The following SRD5A2 variants were observed in gnomAD, a reference collection of about 807,000 sequenced individuals.
SRD5A2 encodes the protein steroid 5 alpha-reductase 2.
Under a neutral mutation model 27.4 loss-of-function variants are expected in SRD5A2, and 30 were observed. The ratio of observed to expected loss-of-function variants is 1.10; its 90% CI spans 0.82 to 1.49. SRD5A2 has a LOEUF of 1.49. Among genes scored for constraint, SRD5A2 ranks in the 40% most tolerant of loss-of-function variants. The pLI, the probability that SRD5A2 is intolerant of heterozygous loss-of-function variation, is 0.00. For synonymous variants in SRD5A2, 141 were observed against 133.6 expected (o/e 1.06, Z -0.38); for missense variants, 348 against 323.4 (o/e 1.08, Z -0.58).
chr2:31,636,963 G>T, the SRD5A2 span, among the ~76,000 whole-genome samples: 1 of 152,082 alleles, frequency 6.6e-6, no homozygotes. Context: ...TCTGGTTTCA[G>T]TATCAGGATA....
intron 1 of SRD5A2, among the ~76,000 whole-genome samples, chr2:31,559,152 T>G (rs1475939250): frequency 1.3e-5 from 2 of 152,206 alleles, no homozygotes; most frequent in Non-Finnish European, 2.9e-5. Context: ...TCAGCTTTTA[T>G]TGCCTAAATG....
the SRD5A2 span, among the ~76,000 whole-genome samples, chr2:31,608,301 A>C: frequency 1.3e-5 from 2 of 152,140 alleles, no homozygotes; most frequent in Admixed American, 1.3e-4. Context: ...ATATACTGTG[A>C]AAGTTATGAA....
the SRD5A2 span, among the ~76,000 whole-genome samples, chr2:31,586,019 T>G: frequency 2.6e-5 from 4 of 151,918 alleles, no homozygotes; most frequent in African/African-American, 9.7e-5. Context: ...CAGCTCAGTG[T>G]TTTTGTTTAT....
intron 1 of SRD5A2, among the ~76,000 whole-genome samples, chr2:31,538,112 T>G (rs909952341): frequency 6.6e-6 from 1 of 152,224 alleles, no homozygotes; most frequent in Non-Finnish European, 1.5e-5. Context: ...TCTGCAGTCC[T>G]TAAACTCAGA....
At chr2:31,561,100 T>A (rs1425228596) in intron 1 of SRD5A2, among the ~76,000 whole-genome samples, 1 of 152,086 alleles carries the variant, frequency 6.6e-6, no homozygotes, top group Non-Finnish European at 1.5e-5. Flanking sequence ...CCTCCACATC[T>A]AATCCCTTTT....
intron 1 of SRD5A2, among the ~76,000 whole-genome samples, chr2:31,559,122 G>A (rs561737893): frequency 5.3e-5 from 8 of 152,278 alleles, no homozygotes; most frequent in Admixed American, 5.2e-4. Flanking sequence ...GATGCCAGTG[G>A]CGTGGCTTTT....
the SRD5A2 span, among the ~76,000 whole-genome samples, chr2:31,637,826 TCTCTC>T: frequency 6.6e-6 from 1 of 152,100 alleles, no homozygotes; most frequent in Non-Finnish European, 1.5e-5. Flanking sequence ...ATTTAAGTCT[TCTCTC>T]TTCTCTTCTT....
At chr2:31,619,913 T>A in the SRD5A2 span, among the ~76,000 whole-genome samples, 3 of 152,184 alleles carry the variant, frequency 2.0e-5, no homozygotes, top group Non-Finnish European at 4.4e-5. Flanking sequence ...GTTGAGAGTT[T>A]CTTTTGCTGT....
the SRD5A2 span, among the ~76,000 whole-genome samples, chr2:31,588,947 A>T: frequency 6.6e-6 from 1 of 152,130 alleles, no homozygotes; most frequent in Non-Finnish European, 1.5e-5. Flanking sequence ...TGCAAGAACT[A>T]CCATGGGAAC....
At chr2:31,562,693 G>A (rs910939695) in intron 1 of SRD5A2, among the ~76,000 whole-genome samples, 10 of 152,002 alleles carry the variant, frequency 6.6e-5, no homozygotes, top group African/African-American at 2.4e-4. Context: ...GAGGGAGAGG[G>A]GCAAGGGTTG....
the SRD5A2 span, among the ~76,000 whole-genome samples, chr2:31,611,846 G>T: frequency 6.6e-6 from 1 of 152,008 alleles, no homozygotes; most frequent in Non-Finnish European, 1.5e-5. Context: ...TCCAAAAAAA[G>T]ACTTGTACGT....
chr2:31,536,969 C>T (rs1666040006), intron 1 of SRD5A2, among the ~76,000 whole-genome samples: 1 of 152,096 alleles, frequency 6.6e-6, no homozygotes. Flanking sequence ...TTTATCATTG[C>T]TAAGTAAATA....
chr2:31,603,682 G>A, the SRD5A2 span, among the ~76,000 whole-genome samples: 3 of 152,056 alleles, frequency 2.0e-5, no homozygotes, highest in South Asian at 6.2e-4. Flanking sequence ...AGAAAATGTG[G>A]TACATATACA....
At chr2:31,585,600 C>T (rs953994396), upstream of SRD5A2, among the ~76,000 whole-genome samples, 1 of 152,174 alleles carries the variant, frequency 6.6e-6, no homozygotes, top group African/African-American at 2.4e-5. Context: ...GTCATGGCAG[C>T]GTTCATCACC....
At chr2:31,621,455 G>A in the SRD5A2 span, among the ~76,000 whole-genome samples, 11 of 152,236 alleles carry the variant, frequency 7.2e-5, no homozygotes, top group African/African-American at 2.6e-4. Flanking sequence ...TTATTGCTGA[G>A]TAGTATTCTA....
chr2:31,574,960 T>G (rs1209999481), intron 1 of SRD5A2, among the ~76,000 whole-genome samples: 1 of 152,236 alleles, frequency 6.6e-6, no homozygotes, highest in Non-Finnish European at 1.5e-5. Flanking sequence ...AGGGGTGAGT[T>G]GCTGCAATAG....
chr2:31,633,953 AT>A, the SRD5A2 span, among the ~76,000 whole-genome samples: 8 of 152,188 alleles, frequency 5.3e-5, no homozygotes, highest in African/African-American at 1.7e-4. Flanking sequence ...AATAAAAAAA[AT>A]TTTTTTAAAT....
At chr2:31,623,955 A>G in the SRD5A2 span, among the ~76,000 whole-genome samples, 2 of 152,240 alleles carry the variant, frequency 1.3e-5, no homozygotes, top group African/African-American at 2.4e-5. Context: ...GATGAAGCCA[A>G]CTTGATCGTG....
intron 1 of SRD5A2, among the ~76,000 whole-genome samples, chr2:31,571,519 T>C (rs1666848759): frequency 6.6e-6 from 1 of 151,820 alleles, no homozygotes; most frequent in Admixed American, 6.6e-5. Flanking sequence ...AATTGACAAA[T>C]AGGACCTAAT....
Sources: allele counts gnomAD v4.1 joint callset (sites outside exome capture counted in the v4.1 genomes callset), GRCh38; gene constraint gnomAD v4.1.1; transcripts MANE v1.5; gene names NCBI Gene and HGNC (gene_info 2026-07-23, HGNC 2026-07-21).